DOCK2: variants seen among roughly 807,000 people sequenced by gnomAD.
DOCK2 encodes dedicator of cytokinesis protein 2.
A neutral mutation model predicts 248.9 loss-of-function variants in DOCK2; 87 were observed. The observed-to-expected ratio is 0.35, with a 90% CI of 0.29 to 0.42. The LOEUF is 0.42. DOCK2 is among the 10% of genes least tolerant of loss of function. The pLI, the probability that DOCK2 is intolerant of heterozygous loss-of-function variation, is 1.00. For synonymous variants in DOCK2, 805 were observed against 821.6 expected, an observed-to-expected ratio of 0.98 and a Z score of 0.35; for missense variants, 1,747 against 2,300.2, an observed-to-expected ratio of 0.76 and a Z score of 4.92.
intron 27 of DOCK2, among the ~76,000 whole-genome samples, chr5:169,850,133 C>T (rs993484030): frequency 6.6e-6 from 1 of 152,154 alleles, no homozygotes; most frequent in Non-Finnish European, 1.5e-5. Flanking sequence ...AATGCACTGT[C>T]GGTATTAACA....
Position 170,041,045 on chromosome 5 carries a change from C to T in DOCK2, c.3666-10C>T, listed in dbSNP as rs1756496574. The T allele has an allele frequency of 9.3e-6, 15 of 1,613,330 alleles. No homozygotes were observed. The highest frequency in any genetic ancestry group is 1.3e-5 in the African/African-American group (1 of 74,890). On this transcript the variant is annotated splice_polypyrimidine_tract_variant and intron_variant, in intron 36 of 51. Coordinates refer to ENST00000520908, the MANE Select transcript of DOCK2 (RefSeq NM_004946.3). ...ACCTGGTAGCTTACTGCATATTTTC[C>T]CTCAAACAGGTACCTGTACAAACTC...
At chr5:169,685,519 G>A (rs953467461) in intron 8 of DOCK2, among the ~76,000 whole-genome samples, 2 of 152,152 alleles carry the variant, frequency 1.3e-5, no homozygotes, top group South Asian at 4.1e-4. Flanking sequence ...CACCACGCCC[G>A]GCTAATTTTT....
chr5:170,005,754 AAAAG>A (rs920764602), intron 30 of DOCK2, among the ~76,000 whole-genome samples: 27 of 152,188 alleles, frequency 1.8e-4, no homozygotes, highest in African/African-American at 5.3e-4. Context: ...TTTTTTAAAA[AAAAG>A]AAAATCAGGA....
At chr5:169,674,211 C>T (rs1258582172) in intron 5 of DOCK2, 86 bp from the exon 6 acceptor site, 1 of 1,542,168 alleles carries the variant, frequency 6.5e-7, no homozygotes, top group African/African-American at 1.4e-5. Flanking sequence ...CCCTTGACCA[C>T]ACTCACCTGA....
intron 1 of DOCK2, among the ~76,000 whole-genome samples, chr5:169,650,291 T>C (rs916225181): frequency 4.6e-5 from 7 of 152,180 alleles, no homozygotes; most frequent in African/African-American, 1.7e-4. Flanking sequence ...CTCTAAATAT[T>C]TACCATTTTC....
chr5:169,950,267 C>T (rs534923799), intron 27 of DOCK2, among the ~76,000 whole-genome samples: 2 of 152,266 alleles, frequency 1.3e-5, no homozygotes, highest in Non-Finnish European at 2.9e-5. Flanking sequence ...CCTTTCTGAG[C>T]CTCACTTTCC....
intron 25 of DOCK2, among the ~76,000 whole-genome samples, chr5:169,778,392 T>C (rs1409588035): frequency 1.3e-5 from 2 of 152,216 alleles, no homozygotes; most frequent in Non-Finnish European, 2.9e-5. Context: ...AAATATTGGT[T>C]GGGCTGCACT....
intron 1 of DOCK2, among the ~76,000 whole-genome samples, chr5:169,653,231 A>G (rs2113169442): frequency 6.6e-6 from 1 of 152,232 alleles, no homozygotes; most frequent in East Asian, 1.9e-4. Flanking sequence ...CACACTGATA[A>G]GCCACTTCCA....
At position 169,790,524 on chromosome 5, in the gene DOCK2, G is replaced by T. The variant is rs1766269966; in HGVS notation, c.2555-12534G>T. ...CTTGGAACTCAATTCTCTGAGTTTG[G>T]TATTCAGACCAAAGTGTAGTTTGTT... On this transcript the variant is annotated intron_variant, in intron 25 of 51. Coordinates refer to ENST00000520908, the MANE Select transcript of DOCK2 (RefSeq NM_004946.3). 2.6e-5 allele frequency among the ~76,000 whole-genome samples: 4 copies of T among 152,164 alleles called. No individual in the cohort carries two copies. The East Asian group carries it at 7.7e-4, about 29-fold the overall frequency.
chr5:170,056,755 A>G lies in DOCK2; in HGVS notation c.4367A>G (p.Glu1456Gly). The change falls in exon 43 of 52, where the codon GAG (glutamate) becomes GGG (glycine). Residue 1456 changes from glutamate to glycine, a missense_variant. Glu to Gly is a moderately conservative substitution (Grantham distance 98). Coordinates refer to ENST00000520908, the MANE Select transcript of DOCK2 (RefSeq NM_004946.3). ...RPVRRGTVDP[E>G]NEFASMWIER... ...GTGCGCAGGGGGACCGTAGACCCAG[A>G]GAATGAGTTTGCTGTGAGTATCTTC... 1.9e-6 allele frequency: 3 copies of G among 1,613,856 alleles called. No individual in the cohort carries two copies. The highest frequency in any genetic ancestry group is 2.5e-6 in the Non-Finnish European group (3 of 1,179,852).
At chr5:169,995,029 A>ATTTTTT in intron 29 of DOCK2, among the ~76,000 whole-genome samples, 1 of 140,562 alleles carries the variant, frequency 7.1e-6, no homozygotes, top group South Asian at 2.3e-4. Flanking sequence ...GTTATTTTTT[A>ATTTTTT]TTTTTTTTTT....
chr5:169,727,381 A>G (rs950906698), intron 22 of DOCK2, among the ~76,000 whole-genome samples: 4 of 152,212 alleles, frequency 2.6e-5, no homozygotes, highest in African/African-American at 9.7e-5. Context: ...GGGATCTGAC[A>G]CTCAAGCTGA....
At chr5:169,846,597 T>TATATATAC (rs1561758924) in intron 27 of DOCK2, among the ~76,000 whole-genome samples, 2 of 104,986 alleles carry the variant, frequency 1.9e-5, no homozygotes, top group African/African-American at 9.8e-5. Context: ...TATATATATA[T>TATATATAC]ACACACACAT....
intron 25 of DOCK2, among the ~76,000 whole-genome samples, chr5:169,796,287 A>C (rs1766649787): frequency 6.6e-6 from 1 of 152,192 alleles, no homozygotes; most frequent in South Asian, 2.1e-4. Flanking sequence ...ATTGGCAAGC[A>C]TTTCCCTAGC....
At chr5:169,692,071 G>C (rs1228383533) in intron 9 of DOCK2, among the ~76,000 whole-genome samples, 1 of 152,048 alleles carries the variant, frequency 6.6e-6, no homozygotes, top group African/African-American at 2.4e-5. Flanking sequence ...GGCCAGGATG[G>C]TCTTGATCTC....
At chr5:170,041,961 GCT>G in intron 37 of DOCK2, 50 bp from the exon 38 acceptor site, 1 of 1,597,446 alleles carries the variant, frequency 6.3e-7, no homozygotes, top group Non-Finnish European at 8.5e-7. Context: ...GAAGACACCT[GCT>G]CTTGGCAGCC....
At chr5:169,819,639 T>G (rs1031478830) in intron 26 of DOCK2, among the ~76,000 whole-genome samples, 3 of 151,880 alleles carry the variant, frequency 2.0e-5, no homozygotes, top group Admixed American at 1.3e-4. Flanking sequence ...CAAAACAGAT[T>G]GGGTTCCAAG....
chr5:169,681,729 G>A lies in DOCK2; in HGVS notation c.471-15G>A, dbSNP rs1165676049. On this transcript the variant is annotated splice_polypyrimidine_tract_variant and intron_variant, in intron 6 of 51. Coordinates refer to ENST00000520908, the MANE Select transcript of DOCK2 (RefSeq NM_004946.3). ...CTCCCCTGATTTGTCTTCACCTCCA[G>A]TTTTTGCTTTACAGAATCCTTGAGC... 4 of 1,612,380 alleles carry A rather than the reference G, an allele frequency of 2.5e-6. No individual in the cohort carries two copies. The highest frequency in any genetic ancestry group is 1.7e-5 in the Admixed American group (1 of 59,802).
intron 7 of DOCK2, 103 bp from the exon 8 acceptor site, chr5:169,684,093 A>G (rs1407796597): frequency 1.0e-5 from 15 of 1,428,624 alleles, no homozygotes; most frequent in Non-Finnish European, 1.3e-5. Flanking sequence ...GGAATGCCCA[A>G]ACTTTAGGCT....
Sources: allele counts gnomAD v4.1 joint callset (sites outside exome capture counted in the v4.1 genomes callset), GRCh38; gene constraint gnomAD v4.1.1; transcripts MANE v1.5; gene names NCBI Gene and HGNC (gene_info 2026-07-23, HGNC 2026-07-21).